The following TMEM255B variants were observed in gnomAD, a reference collection of about 807,000 sequenced individuals.
TMEM255B encodes the protein family with sequence similarity 70, member B.
Under a neutral mutation model 34.5 loss-of-function variants are expected in TMEM255B, and 35 were observed. The ratio of observed to expected loss-of-function variants is 1.01; its 90% CI spans 0.77 to 1.34. The LOEUF is 1.34. TMEM255B is among the 40% of genes most tolerant of loss of function. TMEM255B has a pLI of 0.00. For synonymous variants in TMEM255B, 206 were observed against 201.2 expected, an observed-to-expected ratio of 1.02 and a Z score of -0.20; for missense variants, 432 against 433.2, an observed-to-expected ratio of 1.00 and a Z score of 0.02.
At chr13:113,808,381 C>T (rs2051224572) in intron 8 of TMEM255B, among the ~76,000 whole-genome samples, 1 of 152,192 alleles carries the variant, frequency 6.6e-6, no homozygotes, top group Non-Finnish European at 1.5e-5. Flanking sequence ...ACATGCCCTC[C>T]CTTCCCCTGT....
chr13:113,767,285 T>C (rs889384578), intron 2 of TMEM255B, among the ~76,000 whole-genome samples: 4 of 152,260 alleles, frequency 2.6e-5, no homozygotes, highest in African/African-American at 9.6e-5. Flanking sequence ...TACCTGTGTA[T>C]AGTTTATGAA....
intron 2 of TMEM255B, among the ~76,000 whole-genome samples, chr13:113,766,878 G>A (rs923624606): frequency 2.0e-5 from 3 of 152,154 alleles, no homozygotes; most frequent in African/African-American, 7.2e-5. Context: ...TAACCTAATT[G>A]GCAAGAATTG....
chr13:113,768,375 G>T, intron 2 of TMEM255B: 4 of 402,808 alleles, frequency 9.9e-6, no homozygotes, highest in South Asian at 1.8e-5. Flanking sequence ...ATGCCCGGCC[G>T]GTGGCCTCTG....
chr13:113,794,081 C>G (rs2050878095), intron 3 of TMEM255B, among the ~76,000 whole-genome samples: 1 of 152,326 alleles, frequency 6.6e-6, no homozygotes, highest in East Asian at 1.9e-4. Context: ...CAGAGATGGA[C>G]ACACAGGGCC....
chr13:113,768,760 G>A (rs867463491), intron 2 of TMEM255B: 10 of 444,438 alleles, frequency 2.3e-5, no homozygotes, highest in African/African-American at 8.0e-5. Flanking sequence ...TGGAGAAGAC[G>A]GGACAGATGG....
chr13:113,771,283 G>A (rs540264469), intron 3 of TMEM255B, among the ~76,000 whole-genome samples: 7 of 152,310 alleles, frequency 4.6e-5, no homozygotes, highest in African/African-American at 1.4e-4. Context: ...CTTGTGTGTG[G>A]AGGCAGTAAC....
chr13:113,811,108 G>A (rs1333100988), intron 8 of TMEM255B, among the ~76,000 whole-genome samples: 2 of 152,050 alleles, frequency 1.3e-5, no homozygotes, highest in East Asian at 1.9e-4. Flanking sequence ...GTTCTGCCCC[G>A]GGCTGGGGCT....
At chr13:113,775,603 AG>A (rs760440501) in intron 3 of TMEM255B, among the ~76,000 whole-genome samples, 4 of 152,240 alleles carry the variant, frequency 2.6e-5, no homozygotes, top group Non-Finnish European at 5.9e-5. Context: ...TCTGGAGGAC[AG>A]GCGTTGAGTG....
intron 2 of TMEM255B, among the ~76,000 whole-genome samples, chr13:113,766,841 C>T (rs1045503097): frequency 1.3e-5 from 2 of 152,212 alleles, no homozygotes; most frequent in African/African-American, 4.8e-5. Flanking sequence ...AGATTTTGAA[C>T]AGTAAGGCGG....
chr13:113,800,766 T>G, intron 5 of TMEM255B, 61 bp from the exon 6 acceptor site: 1 of 1,499,720 alleles, frequency 6.7e-7, no homozygotes, highest in Non-Finnish European at 9.1e-7. Flanking sequence ...GCCCTGCCCT[T>G]GGTGGGGTGG....
intron 3 of TMEM255B, among the ~76,000 whole-genome samples, chr13:113,773,816 A>G (rs377214709): frequency 7.2e-5 from 11 of 152,238 alleles, no homozygotes; most frequent in East Asian, 1.9e-4. Context: ...GCCAATGCAC[A>G]TGAGAATGTC....
rs2051141771 is a variant in TMEM255B, at chr13:113,804,961, C to T, written c.746C>T (p.Ala249Val). 6.2e-7 allele frequency: 1 copy of T among 1,606,746 alleles called. No individual in the cohort carries two copies. The highest frequency in any genetic ancestry group is 8.5e-7 in the Non-Finnish European group (1 of 1,179,818). ...TLYNPAQQILAYAGFRLTPEP... is the reference protein window; with the variant it reads ...TLYNPAQQILVYAGFRLTPEP... ...TACAACCCCGCCCAGCAGATCCTGGCCTACGCAGGCTTCCGCCTGACGCCC... is the reference window on the plus strand; with the variant it reads ...TACAACCCCGCCCAGCAGATCCTGGTCTACGCAGGCTTCCGCCTGACGCCC... The change falls in exon 8 of 9, where the codon GCC becomes GTC. Residue 249 changes from alanine (A) to valine (V), a missense_variant. By Grantham distance (64) the Ala-to-Val change is moderately conservative. Transcript: ENST00000375353.
At chr13:113,776,903 C>G (rs1375915464) in intron 3 of TMEM255B, among the ~76,000 whole-genome samples, 1 of 152,136 alleles carries the variant, frequency 6.6e-6, no homozygotes, top group African/African-American at 2.4e-5. Flanking sequence ...ACCCACAGGT[C>G]CCAGGAGCCA....
intron 4 of TMEM255B, among the ~76,000 whole-genome samples, chr13:113,796,646 G>A (rs942648909): frequency 6.6e-6 from 1 of 152,204 alleles, no homozygotes; most frequent in Non-Finnish European, 1.5e-5. Context: ...CCTGAGGTGC[G>A]TCCTCAGCCT....
chr13:113,778,827 G>C (rs1428768267), intron 3 of TMEM255B, among the ~76,000 whole-genome samples: 1 of 152,214 alleles, frequency 6.6e-6, no homozygotes, highest in Non-Finnish European at 1.5e-5. Flanking sequence ...GGCCTCCACT[G>C]ACCCATAGAG....
At chr13:113,772,667 C>T (rs1436666749) in intron 3 of TMEM255B, among the ~76,000 whole-genome samples, 3 of 152,214 alleles carry the variant, frequency 2.0e-5, no homozygotes, top group African/African-American at 7.2e-5. Context: ...AAAGACTGTT[C>T]TTTTCTCATT....
chr13:113,799,097 C>T (rs2138570867), intron 4 of TMEM255B, among the ~76,000 whole-genome samples: 1 of 152,366 alleles, frequency 6.6e-6, no homozygotes, highest in Non-Finnish European at 1.5e-5. Flanking sequence ...GGAGAATATG[C>T]ATGGCCCGAG....
Position 113,766,124 on chromosome 13 carries a change from C to A in TMEM255B, c.56C>A (p.Ser19Ter). 1 of 1,614,148 alleles carries A rather than the reference C, an allele frequency of 6.2e-7. No individual in the cohort carries two copies. Among genetic ancestry groups the A allele is most frequent in the Non-Finnish European group, 8.5e-7 (1 of 1,180,034 alleles). ...GCCTTCCTCCCCACAGAAGGGCTTTCGAGGAGGAAGAAGACGTCGCTCTGG... is the reference window on the plus strand; with the variant it reads ...GCCTTCCTCCCCACAGAAGGGCTTTAGAGGAGGAAGAAGACGTCGCTCTGG... ...LGLLDPAEGL[S>*]RRKKTSLWFV... is the part of the protein sequence containing the mutation. Residue 19 changes from serine (S) to a stop codon, truncating the protein, a stop_gained, in exon 2 of 9, where the codon TCG (serine) becomes TAG (stop). Transcript: ENST00000375353. LOFTEE classifies it high-confidence loss of function.
intron 1 of TMEM255B, among the ~76,000 whole-genome samples, chr13:113,760,613 CG>C (rs1282162721): frequency 1.6e-5 from 1 of 60,794 alleles, no homozygotes; most frequent in Non-Finnish European, 3.4e-5. Flanking sequence ...TTTGGTGTGT[CG>C]GGGTGGATTA....
Sources: gnomAD v4.1 joint callset for allele counts (sites outside exome capture counted in the v4.1 genomes callset) on GRCh38, gnomAD v4.1.1 for gene constraint, MANE v1.5 for transcripts, NCBI Gene and HGNC (gene_info 2026-07-23, HGNC 2026-07-21) for gene names.